Variants in ST6GAL1 observed in about 807,000 individuals in gnomAD.
ST6GAL1 encodes ST6 beta-galactoside alpha-2,6-sialyltransferase 1.
A neutral mutation model predicts 38.0 loss-of-function variants in ST6GAL1; 20 were observed. The observed-to-expected ratio is 0.53, with a 90% CI of 0.37 to 0.77. The LOEUF (loss-of-function observed/expected upper bound fraction) is 0.77, where lower values mean the gene tolerates loss of function less well. ST6GAL1 is among the 30% of genes least tolerant of loss of function. ST6GAL1 has a pLI of 0.00. For missense variants in ST6GAL1, 432 were observed against 496.4 expected, an observed-to-expected ratio of 0.87 and a Z score of 1.23; for synonymous variants, 196 against 188.2, an observed-to-expected ratio of 1.04 and a Z score of -0.34.
chr3:186,946,474 C>T (rs548754521), intron 1 of ST6GAL1, among the ~76,000 whole-genome samples: 9 of 152,126 alleles, frequency 5.9e-5, no homozygotes, highest in Admixed American at 3.9e-4. Flanking sequence ...CTCGATCTCC[C>T]GGGTTCAAGT....
chr3:187,003,781 A>G (rs576759352), intron 2 of ST6GAL1, among the ~76,000 whole-genome samples: 1 of 152,208 alleles, frequency 6.6e-6, no homozygotes, highest in Non-Finnish European at 1.5e-5. Flanking sequence ...TCTGGACATA[A>G]CCATACATCA....
chr3:186,969,896 G>C lies in ST6GAL1; in HGVS notation c.-183+5970G>C, dbSNP rs185642462. Among the ~76,000 whole-genome samples, 400 of 152,338 alleles carry C rather than the reference G, an allele frequency of 2.6e-3. 1 individual carries two copies. The highest frequency in any genetic ancestry group is 8.7e-3 in the African/African-American group (360 of 41,576). On this transcript the variant is annotated intron_variant, in intron 2 of 7. Transcript: ENST00000169298. The stretch of plus-strand genomic sequence containing the variant: ...TACTATGAATAATTTGACCTGGTTG[G>C]AACACCAGGATTTTGGAGCGAAGAG...
intron 5 of ST6GAL1, among the ~76,000 whole-genome samples, chr3:187,069,092 A>C (rs1010396292): frequency 2.0e-5 from 3 of 151,776 alleles, no homozygotes; most frequent in Non-Finnish European, 2.9e-5. Flanking sequence ...ATGGCCTGTC[A>C]GCCAGGGAAC....
chr3:187,008,944 A>G (rs368254563), intron 2 of ST6GAL1, among the ~76,000 whole-genome samples: 1 of 151,996 alleles, frequency 6.6e-6, no homozygotes, highest in Admixed American at 6.6e-5. Context: ...GTTTCAGGTT[A>G]TGCATGGACT....
chr3:187,015,800 C>G (rs1717095738), intron 2 of ST6GAL1, among the ~76,000 whole-genome samples: 1 of 152,048 alleles, frequency 6.6e-6, no homozygotes, highest in Non-Finnish European at 1.5e-5. Context: ...GATTGAGCCA[C>G]TGCATTCCAG....
In ST6GAL1 at chr3:186,972,270, AG is replaced by A. The variant is rs1376840645; in HGVS notation, c.-183+8347del. 2.0e-5 allele frequency among the ~76,000 whole-genome samples: 3 copies of A among 150,504 alleles called. No individual in the cohort carries two copies. In the East Asian group the frequency reaches 5.9e-4, roughly 29 times the overall value. On this transcript the variant is annotated intron_variant, in intron 2 of 7. Coordinates refer to ENST00000169298, the MANE Select transcript of ST6GAL1 (RefSeq NM_173216.2). Reference sequence around the variant, plus strand: ...TACTTTCTTTTTTTTTTTTTGAGACAGGGTCTCACTCTGACACCCAGGCTGG... The same window carrying A: ...TACTTTCTTTTTTTTTTTTTGAGACAGGTCTCACTCTGACACCCAGGCTGG...
At chr3:187,074,981 G>C (rs1719512508) in intron 7 of ST6GAL1, among the ~76,000 whole-genome samples, 1 of 152,114 alleles carries the variant, frequency 6.6e-6, no homozygotes, top group African/African-American at 2.4e-5. Context: ...CTGGCCAGGG[G>C]CCCCCTTCTT....
chr3:186,960,204 A>G (rs1714886816), intron 1 of ST6GAL1, among the ~76,000 whole-genome samples: 1 of 152,226 alleles, frequency 6.6e-6, no homozygotes, highest in African/African-American at 2.4e-5. Context: ...ACTGCGCCCA[A>G]GGCAGCCTCT....
At chr3:187,017,762 G>A (rs545527955) in intron 2 of ST6GAL1, among the ~76,000 whole-genome samples, 1 of 152,156 alleles carries the variant, frequency 6.6e-6, no homozygotes, top group South Asian at 2.1e-4. Context: ...TTGATAACAC[G>A]AAAACCACGA....
At chr3:186,931,332 C>G (rs576590115) in intron 1 of ST6GAL1, 1 of 152,392 alleles carries the variant, frequency 6.6e-6, no homozygotes, top group East Asian at 1.9e-4. Flanking sequence ...GTCTCAGCCT[C>G]GGGGGAGGGA....
At chr3:186,989,870 A>T (rs1478355449) in intron 2 of ST6GAL1, among the ~76,000 whole-genome samples, 1 of 152,186 alleles carries the variant, frequency 6.6e-6, no homozygotes, top group Admixed American at 6.5e-5. Flanking sequence ...ATGTCCTTCC[A>T]GCACTGCTCC....
At position 187,042,876 on chromosome 3, in the gene ST6GAL1, C is replaced by A. The variant is rs142344871; in HGVS notation, c.173C>A (p.Ser58Tyr). The part of the protein sequence containing the change: ...LKSLGKLAMG[S>Y]DSQSVSSSST... ...AGTCTGGGGAAATTGGCCATGGGGT[C>A]TGATTCCCAGTCTGTATCCTCAAGC... The change falls in exon 4 of 8, where the codon TCT becomes TAT. Residue 58 changes from serine (S) to tyrosine (Y), a missense_variant. Physicochemically the swap from Ser to Tyr is moderately radical, Grantham distance 144. Coordinates refer to ENST00000169298, the MANE Select transcript of ST6GAL1 (RefSeq NM_173216.2). 1.3e-4 allele frequency: 214 copies of A among 1,614,150 alleles called. No individual in the cohort carries two copies. In the African/African-American group the frequency reaches 2.7e-3, roughly 20 times the overall value.
chr3:187,058,894 G>A (rs1452309738), intron 5 of ST6GAL1, among the ~76,000 whole-genome samples: 1 of 152,056 alleles, frequency 6.6e-6, no homozygotes, highest in Admixed American at 6.6e-5. Context: ...ACCCACCTTG[G>A]CCTCCTGAAG....
At chr3:187,007,641 T>C (rs553455798) in intron 2 of ST6GAL1, among the ~76,000 whole-genome samples, 28 of 152,320 alleles carry the variant, frequency 1.8e-4, no homozygotes, top group Admixed American at 1.2e-3. Context: ...CAGGATACAA[T>C]TCAAATTTAC....
intron 2 of ST6GAL1, among the ~76,000 whole-genome samples, chr3:187,010,743 A>G (rs920330005): frequency 3.9e-5 from 6 of 152,206 alleles, no homozygotes; most frequent in Admixed American, 2.0e-4. Context: ...GTGGCGAGCA[A>G]TATCTGCAAT....
intron 2 of ST6GAL1, among the ~76,000 whole-genome samples, chr3:187,027,541 A>G (rs1043575882): frequency 2.0e-5 from 3 of 152,154 alleles, no homozygotes; most frequent in African/African-American, 7.2e-5. Flanking sequence ...CCTCCTCTCT[A>G]CAGATAACAG....
At chr3:186,978,432 G>T (rs1715588248) in intron 2 of ST6GAL1, among the ~76,000 whole-genome samples, 1 of 152,008 alleles carries the variant, frequency 6.6e-6, no homozygotes, top group African/African-American at 2.4e-5. Context: ...CTCTCTCCAC[G>T]TTACTCTGTT....
intron 5 of ST6GAL1, among the ~76,000 whole-genome samples, chr3:187,062,960 A>C (rs530577335): frequency 3.8e-4 from 58 of 152,336 alleles, no homozygotes; most frequent in Admixed American, 3.3e-4. Context: ...AGGAGGAGAA[A>C]GGAATGTGGA....
chr3:187,023,606 A>G (rs576642669), intron 2 of ST6GAL1, among the ~76,000 whole-genome samples: 51 of 152,310 alleles, frequency 3.3e-4, no homozygotes, highest in African/African-American at 1.1e-3. Flanking sequence ...GAAGCTGGAA[A>G]CTATCATTCT....
Sources: gnomAD v4.1 joint callset for allele counts (sites outside exome capture counted in the v4.1 genomes callset) on GRCh38, gnomAD v4.1.1 for gene constraint, MANE v1.5 for transcripts, NCBI Gene and HGNC (gene_info 2026-07-23, HGNC 2026-07-21) for gene names.